NHSL2: variants seen among roughly 807,000 people sequenced by gnomAD.
NHSL2 encodes the protein NHS like 2.
In NHSL2, 27 loss-of-function variants were observed where a neutral mutation model predicts 53.4. The observed-to-expected ratio is 0.51, with a 90% CI of 0.37 to 0.70. The LOEUF (loss-of-function observed/expected upper bound fraction) is 0.70, where lower values mean the gene tolerates loss of function less well. NHSL2 is among the 30% of genes least tolerant of loss of function. The pLI, the probability that NHSL2 is intolerant of heterozygous loss-of-function variation, is 0.00. For missense variants in NHSL2, 892 were observed against 980.1 expected (o/e 0.91, Z 1.20); for synonymous variants, 408 against 404.1 (o/e 1.01, Z -0.12).
intron 1 of NHSL2, among the ~76,000 whole-genome samples, chrX:72,085,270 C>T (rs1439154494): frequency 5.3e-5 from 6 of 112,159 alleles, no homozygotes; most frequent in Non-Finnish European, 7.5e-5. Flanking sequence ...ACATGCAGTT[C>T]TTTGCTTATT....
At chrX:72,055,323 C>T (rs1004791054) in intron 1 of NHSL2, among the ~76,000 whole-genome samples, 4 of 112,081 alleles carry the variant, frequency 3.6e-5, no homozygotes, top group Admixed American at 9.4e-5. Context: ...GCCATGGGAA[C>T]GCGAGCGCTA....
intron 1 of NHSL2, chrX:72,044,646 G>A: frequency 6.0e-6 from 7 of 1,165,658 alleles, no homozygotes; most frequent in Non-Finnish European, 8.1e-6. Flanking sequence ...CCACAGACAA[G>A]GCCATTAAGA....
intron 1 of NHSL2, among the ~76,000 whole-genome samples, chrX:72,016,153 G>T (rs1244575722): frequency 8.9e-6 from 1 of 112,355 alleles, no homozygotes; most frequent in African/African-American, 3.2e-5. Context: ...TGGAATATGT[G>T]TGTGTATAGT....
intron 1 of NHSL2, among the ~76,000 whole-genome samples, chrX:71,959,009 G>A (rs2041855714): frequency 8.9e-6 from 1 of 111,887 alleles, no homozygotes; most frequent in African/African-American, 3.3e-5. Flanking sequence ...AAACGATCCA[G>A]GGACTGAACA....
Position 72,144,427 on chromosome X carries a change from G to A in NHSL2, c.*853G>A, listed in dbSNP as rs1237862498. The A allele has an allele frequency of 4.1e-6, 3 of 735,471 alleles. No individual in the cohort carries two copies. Among genetic ancestry groups the A allele is most frequent in the East Asian group, 6.7e-5 (1 of 14,878 alleles). 60.6% of individuals were successfully genotyped at this position (735,471 alleles called of 1,213,427 possible). Reference sequence around the variant, plus strand: ...GTCAACAGCGATAGGCAGGATCTGCGCCCAGCTCATGCTGCATTCTAAGAA... The same window carrying A: ...GTCAACAGCGATAGGCAGGATCTGCACCCAGCTCATGCTGCATTCTAAGAA... On this transcript the variant is annotated 3_prime_UTR_variant, in exon 8 of 8. Coordinates refer to ENST00000633930, the MANE Select transcript of NHSL2 (RefSeq NM_001013627.3).
chrX:72,078,208 C>G (rs2041760011), intron 1 of NHSL2, among the ~76,000 whole-genome samples: 1 of 112,422 alleles, frequency 8.9e-6, no homozygotes, highest in African/African-American at 3.2e-5. Context: ...TTCTTAGCCC[C>G]TATGCTAATC....
At chrX:71,995,674 G>C (rs1205810564) in intron 1 of NHSL2, among the ~76,000 whole-genome samples, 3 of 111,896 alleles carry the variant, frequency 2.7e-5, no homozygotes, top group Non-Finnish European at 5.6e-5. Context: ...TCTTATTATA[G>C]AATAACACCC....
chrX:71,979,957 TC>T (rs989004333), intron 1 of NHSL2, among the ~76,000 whole-genome samples: 2 of 112,247 alleles, frequency 1.8e-5, no homozygotes, highest in African/African-American at 6.5e-5. Flanking sequence ...AAGGAAAGGA[TC>T]CAGTTTCAGC....
At chrX:71,942,966 CTCTCTCTGTGTGTG>C (rs2041774000) in intron 1 of NHSL2, among the ~76,000 whole-genome samples, 1 of 31,544 alleles carries the variant, frequency 3.2e-5, no homozygotes, top group African/African-American at 9.2e-5. Flanking sequence ...CTCTCTCTCT[CTCTCTCTGTGTGTG>C]TGTGTGTGTG....
chrX:72,032,902 G>A (rs1239173710), intron 1 of NHSL2, among the ~76,000 whole-genome samples: 1 of 111,965 alleles, frequency 8.9e-6, no homozygotes, highest in Non-Finnish European at 1.9e-5. Flanking sequence ...GGCATATTTT[G>A]TGGGTCTATT....
chrX:72,091,056 A>G (rs2041892703), intron 1 of NHSL2, among the ~76,000 whole-genome samples: 1 of 111,896 alleles, frequency 8.9e-6, no homozygotes, highest in Non-Finnish European at 1.9e-5. Flanking sequence ...TGTTACACAT[A>G]GTACTCCAAT....
chrX:72,131,467 A>C, intron 1 of NHSL2: 5 of 1,209,017 alleles, frequency 4.1e-6, no homozygotes, highest in Non-Finnish European at 5.6e-6. Context: ...CTCCCCGCGA[A>C]GGGCATTTAA....
At chrX:71,963,205 A>G (rs2041876058) in intron 1 of NHSL2, among the ~76,000 whole-genome samples, 1 of 110,818 alleles carries the variant, frequency 9.0e-6, no homozygotes, top group Non-Finnish European at 1.9e-5. Flanking sequence ...TCCATTATTG[A>G]AAGTGGTAAA....
intron 1 of NHSL2, among the ~76,000 whole-genome samples, chrX:71,933,343 C>T (rs1602265908): frequency 1.8e-5 from 2 of 108,644 alleles, no homozygotes; most frequent in South Asian, 7.9e-4. Context: ...AGATGGATGA[C>T]AGAAAGACTA....
intron 1 of NHSL2, among the ~76,000 whole-genome samples, chrX:71,955,965 C>T (rs939262112): frequency 6.3e-5 from 7 of 111,028 alleles, no homozygotes; most frequent in Admixed American, 1.9e-4. Flanking sequence ...GTGGGCCTCA[C>T]GCTCTGTAGC....
At chrX:71,969,605 G>A (rs1368415570) in intron 1 of NHSL2, among the ~76,000 whole-genome samples, 1 of 112,265 alleles carries the variant, frequency 8.9e-6, no homozygotes, top group Non-Finnish European at 1.9e-5. Context: ...GAGCCATCAC[G>A]TCCGGCCAAA....
chrX:71,941,066 ACT>A (rs1484270402), intron 1 of NHSL2, among the ~76,000 whole-genome samples: 1 of 110,904 alleles, frequency 9.0e-6, no homozygotes, highest in Non-Finnish European at 1.9e-5. Context: ...TAATTCTCCT[ACT>A]CTCTGATTCA....
intron 1 of NHSL2, among the ~76,000 whole-genome samples, chrX:71,925,930 G>A (rs1172430275): frequency 1.8e-5 from 2 of 111,648 alleles, no homozygotes; most frequent in Admixed American, 1.9e-4. Flanking sequence ...GAAAAGAAAT[G>A]TGTTTTTACC....
At chrX:72,142,982 C>T (rs2042430836) in intron 7 of NHSL2, among the ~76,000 whole-genome samples, 1 of 111,665 alleles carries the variant, frequency 9.0e-6, no homozygotes, top group African/African-American at 3.3e-5. Flanking sequence ...AGCCTTGACT[C>T]CTGAAATTCG....
Sources: allele counts gnomAD v4.1 joint callset (sites outside exome capture counted in the v4.1 genomes callset), GRCh38; gene constraint gnomAD v4.1.1; transcripts MANE v1.5; gene names NCBI Gene and HGNC (gene_info 2026-07-23, HGNC 2026-07-21).